MLKL: variants seen among roughly 807,000 people sequenced by gnomAD.
MLKL encodes the protein mixed lineage kinase domain like pseudokinase.
In MLKL, 55 loss-of-function variants were observed where a neutral mutation model predicts 56.5. The ratio of observed to expected loss-of-function variants is 0.97; its 90% CI spans 0.78 to 1.22. The LOEUF (loss-of-function observed/expected upper bound fraction) is 1.22. Ranked by LOEUF, MLKL falls within the 50% of genes most tolerant of loss-of-function variation. MLKL has a pLI of 0.00. For missense variants in MLKL, 694 were observed against 573.9 expected (o/e 1.21, Z -2.14); for synonymous variants, 251 against 208.3 (o/e 1.20, Z -1.76).
intron 6 of MLKL, among the ~76,000 whole-genome samples, chr16:74,680,739 T>C (rs1024498053): frequency 2.0e-5 from 3 of 152,170 alleles, no homozygotes; most frequent in African/African-American, 7.2e-5. Flanking sequence ...TCTCTTTACC[T>C]TGTGATCTGT....
At position 74,691,371 on chromosome 16, in the gene MLKL, T is replaced by G; in HGVS notation, c.628A>C (p.Arg210=). The G allele has an allele frequency of 6.2e-7, 1 of 1,614,168 alleles. No homozygotes were observed. The highest frequency in any genetic ancestry group is 8.5e-7 in the Non-Finnish European group (1 of 1,180,024). The stretch of plus-strand genomic sequence containing the variant: ...TAAAGTGTGCTGACTTCATTTTCCC[T>G]TAGCAGAATCCACGGGGATCCTGAA... The part of the protein sequence containing the change: ...QLSGSPWILL[R]ENEVSTLYKG... The change falls in exon 4 of 11, where the codon AGG becomes CGG. Residue 210 remains arginine (R), a synonymous_variant. Coordinates refer to ENST00000308807, the MANE Select transcript of MLKL (RefSeq NM_152649.4).
intron 5 of MLKL, among the ~76,000 whole-genome samples, chr16:74,684,653 T>G (rs1960219234): frequency 6.8e-6 from 1 of 147,116 alleles, no homozygotes; most frequent in Non-Finnish European, 1.5e-5. Context: ...TGCCACCACA[T>G]CCGGCTAATT....
At chr16:74,695,072 C>A (rs1301996441) in intron 2 of MLKL, among the ~76,000 whole-genome samples, 1 of 152,150 alleles carries the variant, frequency 6.6e-6, no homozygotes, top group Non-Finnish European at 1.5e-5. Flanking sequence ...CGGGGTTTCA[C>A]CGTGTTAGCC....
chr16:74,673,371 C>T (rs1210902958), intron 10 of MLKL, among the ~76,000 whole-genome samples: 1 of 152,104 alleles, frequency 6.6e-6, no homozygotes, highest in Non-Finnish European at 1.5e-5. Flanking sequence ...GTGTGTGCCA[C>T]TATGCCCAGC....
At chr16:74,683,734 T>C (rs1960141329) in intron 5 of MLKL, among the ~76,000 whole-genome samples, 1 of 152,192 alleles carries the variant, frequency 6.6e-6, no homozygotes, top group African/African-American at 2.4e-5. Context: ...GCAGGAAATG[T>C]GTCTGTCTTG....
At chr16:74,674,499 G>A (rs139152459) in intron 10 of MLKL, among the ~76,000 whole-genome samples, 1,829 of 151,608 alleles carry the variant, frequency 0.012, 20 homozygotes, top group South Asian at 0.023. Context: ...ACCCAGGCTG[G>A]AGTGCAGTGG....
In MLKL at chr16:74,685,221, A is replaced by T. The variant is rs143977190; in HGVS notation, c.820+265T>A. ...CCCTCTTCCAGGCTGGCATCTAAAC[A>T]TGCACCCCCTTATTTCCCAGTGGGC... On this transcript the variant is annotated intron_variant, in intron 5 of 10. Transcript: ENST00000308807. 1.5e-3 allele frequency among the ~76,000 whole-genome samples: 225 copies of T among 152,166 alleles called. 1 individual carries two copies. The South Asian group carries it at 0.016, about 11-fold the overall frequency.
chr16:74,675,313 C>A (rs781293762), intron 9 of MLKL, 42 bp downstream of exon 9: 1 of 1,613,814 alleles, frequency 6.2e-7, no homozygotes, highest in Non-Finnish European at 8.5e-7. Flanking sequence ...TGGAAGGGGA[C>A]CCAACCTCAC....
rs144154682 is a variant in MLKL, at chr16:74,688,293, C to T, written c.723-2710G>A. On this transcript the variant is annotated intron_variant, in intron 4 of 10. Coordinates refer to ENST00000308807, the MANE Select transcript of MLKL (RefSeq NM_152649.4). ...CCAGCACAGTCTTTTAAACAAATGG[C>T]TCTGGGACATGTGAATATCAACATG... is the stretch of plus-strand genomic sequence containing the variant. Among the ~76,000 whole-genome samples, 17 of 152,286 alleles carry T rather than the reference C, an allele frequency of 1.1e-4. No homozygotes were observed. In the East Asian group the frequency reaches 3.1e-3, roughly 28 times the overall value.
intron 10 of MLKL, 112 bp from the exon 11 acceptor site, chr16:74,672,650 T>C (rs1597474356): frequency 1.0e-6 from 1 of 965,618 alleles, no homozygotes; most frequent in African/African-American, 1.6e-5. Flanking sequence ...TTCCCCCTGG[T>C]CTGGCTGGTG....
rs745408002 is a variant in MLKL, at chr16:74,691,245, T to C, written c.722+32A>G. Reference sequence around the variant, plus strand: ...CTTGGAGAGTTAGAGTAAGTATTGGTACACACGAGAGAACCACACAAAACA... The same window carrying C: ...CTTGGAGAGTTAGAGTAAGTATTGGCACACACGAGAGAACCACACAAAACA... On this transcript the variant is annotated intron_variant, in intron 4 of 10. Transcript: ENST00000308807. 8 of 1,573,076 alleles carry C rather than the reference T, an allele frequency of 5.1e-6. No individual in the cohort carries two copies. In the Admixed American group the frequency reaches 1.3e-4, roughly 25 times the overall value.
chr16:74,693,892 C>T (rs1161453721), intron 2 of MLKL, among the ~76,000 whole-genome samples: 1 of 151,988 alleles, frequency 6.6e-6, no homozygotes, highest in Non-Finnish European at 1.5e-5. Flanking sequence ...CGTGAGCCAC[C>T]CCGCCTGGCC....
intron 5 of MLKL, among the ~76,000 whole-genome samples, chr16:74,685,095 C>T (rs1456189112): frequency 1.3e-5 from 2 of 152,088 alleles, no homozygotes; most frequent in Non-Finnish European, 2.9e-5. Context: ...AACTCCTGAC[C>T]TCAAGTGACC....
At chr16:74,678,822 T>A (rs1419832732) in intron 7 of MLKL, 77 bp downstream of exon 7, 1 of 1,027,656 alleles carries the variant, frequency 9.7e-7, no homozygotes, top group African/African-American at 1.6e-5. Flanking sequence ...AATCAAGCCT[T>A]TCTGAGACAC....
At chr16:74,678,855 G>A in intron 7 of MLKL, 44 bp downstream of exon 7, 1 of 1,413,380 alleles carries the variant, frequency 7.1e-7, no homozygotes, top group Non-Finnish European at 1.0e-6. Context: ...CATAGCACCA[G>A]TCATGCAGGT....
Position 74,675,002 on chromosome 16 carries a change from C to T in MLKL, c.1339G>A (p.Glu447Lys). The T allele has an allele frequency of 1.2e-6, 2 of 1,614,188 alleles. No homozygotes were observed. The highest frequency in any genetic ancestry group is 2.2e-5 in the South Asian group (2 of 91,082). Residue 447 changes from glutamate (E) to lysine (K), a missense_variant, in exon 10 of 11, where the codon GAG becomes AAG. Transcript: ENST00000308807. ...CPSELREIID[E>K]CRAHDPSVRP... ...ACAGAGGGATCATGGGCCCGGCACT[C>T]ATCAATGATCTCCCGCAGCTCTGAA... is the stretch of plus-strand genomic sequence containing the variant.
chr16:74,682,601 T>G (rs1307062005), intron 6 of MLKL, 50 bp downstream of exon 6: 1 of 1,603,732 alleles, frequency 6.2e-7, no homozygotes, highest in Non-Finnish European at 8.5e-7. Context: ...GTATCAGGAG[T>G]GTGGACAGAC....
intron 3 of MLKL, 37 bp from the exon 4 acceptor site, chr16:74,691,500 T>G: frequency 6.3e-7 from 1 of 1,587,096 alleles, no homozygotes; most frequent in Non-Finnish European, 8.5e-7. Flanking sequence ...GACAAAAGAG[T>G]CAATGAGCAG....
At chr16:74,694,663 G>A (rs1398611642) in intron 2 of MLKL, among the ~76,000 whole-genome samples, 2 of 152,046 alleles carry the variant, frequency 1.3e-5, no homozygotes, top group South Asian at 2.1e-4. Context: ...CCAGCCACTC[G>A]GGAGCCTGAG....
Sources: gnomAD v4.1 joint callset for allele counts (sites outside exome capture counted in the v4.1 genomes callset) on GRCh38, gnomAD v4.1.1 for gene constraint, MANE v1.5 for transcripts, NCBI Gene and HGNC (gene_info 2026-07-23, HGNC 2026-07-21) for gene names.